Variants in RPS6KA2 observed in about 807,000 individuals in gnomAD.
The protein encoded by RPS6KA2 is ribosomal protein S6 kinase alpha-2.
Under a neutral mutation model 91.8 loss-of-function variants are expected in RPS6KA2, and 42 were observed. That is an observed-to-expected ratio of 0.46 (90% confidence interval 0.36 to 0.59). The LOEUF (loss-of-function observed/expected upper bound fraction) is 0.59. Among genes scored for constraint, RPS6KA2 ranks in the 20% least tolerant of loss-of-function variants. RPS6KA2 has a pLI of 0.00. For missense variants in RPS6KA2, 798 were observed against 978.5 expected, an observed-to-expected ratio of 0.82 and a Z score of 2.46; for synonymous variants, 414 against 393.6, an observed-to-expected ratio of 1.05 and a Z score of -0.61.
At chr6:166,531,977 TA>T (rs59192350) in intron 2 of RPS6KA2, among the ~76,000 whole-genome samples, 6,117 of 146,280 alleles carry the variant, frequency 0.042, 384 homozygotes, top group African/African-American at 0.14. Context: ...TTCCTTTGTA[TA>T]AAAAAAAAAA....
chr6:166,780,224 C>T (rs1778734948), intron 2 of RPS6KA2, among the ~76,000 whole-genome samples: 1 of 152,248 alleles, frequency 6.6e-6, no homozygotes, highest in Non-Finnish European at 1.5e-5. Flanking sequence ...GGAATGTGTC[C>T]TGATTTGGGA....
intron 2 of RPS6KA2, among the ~76,000 whole-genome samples, chr6:166,664,647 A>G (rs1788265419): frequency 6.6e-6 from 1 of 152,262 alleles, no homozygotes; most frequent in South Asian, 2.1e-4. Flanking sequence ...TAACATAAAC[A>G]AATTATTAGG....
intron 11 of RPS6KA2, among the ~76,000 whole-genome samples, chr6:166,469,402 T>C (rs1780670856): frequency 6.7e-6 from 1 of 150,066 alleles, no homozygotes; most frequent in East Asian, 2.0e-4. Flanking sequence ...CAGTATCGAA[T>C]CTGGGCCTGC....
intron 2 of RPS6KA2, among the ~76,000 whole-genome samples, chr6:166,773,251 G>A (rs78375724): frequency 0.031 from 4,792 of 152,256 alleles, 259 homozygotes; most frequent in African/African-American, 0.11. Flanking sequence ...CAGGGAAGGG[G>A]GTGAGGAGAG....
intron 2 of RPS6KA2, among the ~76,000 whole-genome samples, chr6:166,812,130 G>A (rs1046400634): frequency 1.3e-5 from 2 of 152,250 alleles, no homozygotes; most frequent in South Asian, 2.1e-4. Context: ...CAAGACGGGA[G>A]GATCAACCTG....
chr6:166,550,289 C>T (rs1783956938), intron 1 of RPS6KA2, among the ~76,000 whole-genome samples: 1 of 152,066 alleles, frequency 6.6e-6, no homozygotes, highest in Non-Finnish European at 1.5e-5. Context: ...TATTCAGCTG[C>T]ACTGAACTAT....
intron 11 of RPS6KA2, chr6:166,460,562 T>C (rs968188909): frequency 6.6e-6 from 1 of 152,248 alleles, no homozygotes; most frequent in South Asian, 2.1e-4. Flanking sequence ...GCAGATTCAG[T>C]AGAGGATGCT....
At chr6:166,592,747 T>C (rs1029408178) in intron 1 of RPS6KA2, among the ~76,000 whole-genome samples, 1 of 152,130 alleles carries the variant, frequency 6.6e-6, no homozygotes, top group Non-Finnish European at 1.5e-5. Flanking sequence ...GCCCTTACAT[T>C]CTACAGGGCA....
At chr6:166,756,228 T>G (rs528259479) in intron 2 of RPS6KA2, among the ~76,000 whole-genome samples, 119 of 151,924 alleles carry the variant, frequency 7.8e-4, no homozygotes, top group African/African-American at 2.7e-3. Context: ...AGGCAGAGCT[T>G]GCAGTGAGCC....
chr6:166,775,287 G>T (rs1263941092), intron 2 of RPS6KA2, among the ~76,000 whole-genome samples: 1 of 134,972 alleles, frequency 7.4e-6, no homozygotes, highest in African/African-American at 2.8e-5. Context: ...ACTATGCACA[G>T]CCCTCAGGAG....
intron 11 of RPS6KA2, among the ~76,000 whole-genome samples, chr6:166,461,519 ATG>A (rs1456691843): frequency 1.8e-5 from 1 of 54,170 alleles, no homozygotes; most frequent in Non-Finnish European, 3.4e-5. Flanking sequence ...AGAGAGAGAG[ATG>A]GGGAGAGATG....
At chr6:166,625,455 C>G (rs1786837936) in intron 1 of RPS6KA2, among the ~76,000 whole-genome samples, 1 of 151,762 alleles carries the variant, frequency 6.6e-6, no homozygotes, top group Admixed American at 6.6e-5. Context: ...TCCTGAACTC[C>G]CACTGGTCAG....
At position 166,470,732 on chromosome 6, in the gene RPS6KA2, A is replaced by G. The variant is rs185925577; in HGVS notation, c.908-827T>C. The stretch of plus-strand genomic sequence containing the variant: ...GCTCACCGACTGCAGAAGCGTGCCC[A>G]TTCACGGAGGCACTACTGTTCGGGA... On this transcript the variant is annotated intron_variant, in intron 10 of 20. Transcript: ENST00000265678. 7.4e-3 allele frequency among the ~76,000 whole-genome samples: 1,121 copies of G among 152,322 alleles called. 1 individual carries two copies. The highest frequency in any genetic ancestry group is 0.011 in the Non-Finnish European group (781 of 68,022).
rs1355794135 is a variant in RPS6KA2, at chr6:166,413,841, A to C, written c.2029T>G (p.Tyr677Asp). 6.2e-7 allele frequency: 1 copy of C among 1,614,018 alleles called. No individual in the cohort carries two copies. Among genetic ancestry groups the C allele is most frequent in the African/African-American group, 1.3e-5 (1 of 74,984 alleles). Reference sequence around the variant, plus strand: ...CGGCTGAGCTGGTTTGGGGACAGGTACTCTCTGTTGACCACCCACGGGTGT... The same window carrying C: ...CGGCTGAGCTGGTTTGGGGACAGGTCCTCTCTGTTGACCACCCACGGGTGT... ...LKHPWVVNRE[Y>D]LSPNQLSRQD... Residue 677 changes from tyrosine (Y) to aspartate (D), a missense_variant, in exon 20 of 21, where the codon TAC becomes GAC. Tyr to Asp is a radical substitution (Grantham distance 160). Transcript: ENST00000265678.
chr6:166,678,982 G>A (rs893710536), intron 2 of RPS6KA2, among the ~76,000 whole-genome samples: 4 of 152,180 alleles, frequency 2.6e-5, no homozygotes, highest in African/African-American at 9.7e-5. Flanking sequence ...GTCATTAGTA[G>A]ATAAAACCGT....
rs1235598650 is a variant in RPS6KA2 at position 166,748,639 on chromosome 6, T to C, written c.123+109561A>G. Among the ~76,000 whole-genome samples, 156 of 47,618 alleles carry C rather than the reference T, an allele frequency of 3.3e-3. 5 individuals are homozygous for C. Among genetic ancestry groups the C allele is most frequent in the East Asian group, 0.026 (25 of 968 alleles). 31.2% of individuals were successfully genotyped at this position (47,618 alleles called of 152,430 possible). A position where few individuals can be genotyped will look rare whatever the true frequency, so the allele number is the denominator to read the frequency against. The stretch of plus-strand genomic sequence containing the variant: ...GGGCCCCCACCTCCTCAGGCCCCCA[T>C]CCCCTTGGGCCCCCACCTCCTCAGG... On this transcript the variant is annotated intron_variant, in intron 2 of 21. Coordinates refer to the RPS6KA2 transcript ENST00000503859.
rs10663984 is a variant in RPS6KA2 at position 166,451,332 on chromosome 6, CGTGTGTGT to C, written c.1076-107_1076-100del. 1.2e-3 allele frequency: 1,081 copies of C among 922,306 alleles called. 1 individual carries two copies. The African/African-American group carries it at 0.013, about 11-fold the overall frequency. The allele number at this position is 922,306 out of a possible 1,614,324, so 57.1% of individuals were successfully genotyped here. A position where few individuals can be genotyped will look rare whatever the true frequency, so the allele number is the denominator to read the frequency against. On this transcript the variant is annotated intron_variant, in intron 12 of 20. Transcript: ENST00000265678. ...TGCATGTGGTATGTGTGTGCAAGTCCGTGTGTGTGTGTGTGTGTGTGTGTGTGCACGTG... is the reference window on the plus strand; with the variant it reads ...TGCATGTGGTATGTGTGTGCAAGTCCGTGTGTGTGTGTGTGTGTGCACGTG...
intron 2 of RPS6KA2, among the ~76,000 whole-genome samples, chr6:166,532,380 G>A (rs982560900): frequency 6.6e-6 from 1 of 152,216 alleles, no homozygotes; most frequent in Non-Finnish European, 1.5e-5. Context: ...AGCAGGGGCT[G>A]CTAGGGCAGC....
At chr6:166,731,173 T>C (rs1183407088) in intron 2 of RPS6KA2, among the ~76,000 whole-genome samples, 10 of 150,998 alleles carry the variant, frequency 6.6e-5, no homozygotes, top group African/African-American at 2.0e-4. Context: ...ACCCGGGAGG[T>C]GGAGGTTGCG....
Sources: allele counts gnomAD v4.1 joint callset (sites outside exome capture counted in the v4.1 genomes callset), GRCh38; gene constraint gnomAD v4.1.1; transcripts MANE v1.5; gene names NCBI Gene and HGNC (gene_info 2026-07-23, HGNC 2026-07-21).